The following SLC10A7 variants were observed in gnomAD, a reference collection of about 807,000 sequenced individuals.
The protein encoded by SLC10A7 is solute carrier family 10 member 7.
Under a neutral mutation model 43.2 loss-of-function variants are expected in SLC10A7, and 29 were observed. The ratio of observed to expected loss-of-function variants is 0.67; its 90% CI spans 0.50 to 0.92. The LOEUF is 0.92. SLC10A7 is among the 40% of genes least tolerant of loss of function. SLC10A7 has a pLI of 0.00. For synonymous variants in SLC10A7, 152 were observed against 144.8 expected (o/e 1.05, Z -0.35); for missense variants, 295 against 403.2 (o/e 0.73, Z 2.30).
chr4:146,321,825 A>T (rs1227787625), intron 6 of SLC10A7, among the ~76,000 whole-genome samples: 2 of 152,176 alleles, frequency 1.3e-5, no homozygotes, highest in East Asian at 3.9e-4. Flanking sequence ...TTATTTGCTC[A>T]GTAAATGAGG....
At chr4:146,375,031 C>A (rs996112363) in intron 5 of SLC10A7, among the ~76,000 whole-genome samples, 19 of 152,020 alleles carry the variant, frequency 1.2e-4, no homozygotes, top group Admixed American at 2.6e-4. Context: ...CATGGTGAAA[C>A]CCTGTCTCTA....
chr4:146,356,051 A>AATATATAT (rs763407986), intron 5 of SLC10A7, among the ~76,000 whole-genome samples: 1 of 140,134 alleles, frequency 7.1e-6, no homozygotes, highest in African/African-American at 2.6e-5. Context: ...AAAAAAAAAA[A>AATATATAT]ATATATATAT....
intron 6 of SLC10A7, among the ~76,000 whole-genome samples, chr4:146,313,581 A>G (rs1179875648): frequency 6.6e-6 from 1 of 152,136 alleles, no homozygotes. Context: ...ACGTGTGTCC[A>G]TTAATTATGC....
chr4:146,440,758 G>A (rs984496598), intron 5 of SLC10A7, among the ~76,000 whole-genome samples: 1 of 152,030 alleles, frequency 6.6e-6, no homozygotes, highest in Non-Finnish European at 1.5e-5. Context: ...ACTCTCTCTG[G>A]TAATTTTCAA....
rs371901679 is a variant in SLC10A7 at position 146,442,799 on chromosome 4, G to C, written c.419C>G (p.Ala140Gly). The C allele has an allele frequency of 1.6e-5, 26 of 1,598,128 alleles. No homozygotes were observed. In the African/African-American group the frequency reaches 2.2e-4, roughly 13 times the overall value. The change falls in exon 5 of 12, where the codon GCC becomes GGC. Residue 140 changes from alanine (A) to glycine (G), a missense_variant. Ala to Gly is a moderately conservative substitution (Grantham distance 60). This residue lies in a region of SLC10A7 where 242 missense variants were observed against 362.5 expected (regional missense o/e 0.67). Transcript: ENST00000335472. The stretch of plus-strand genomic sequence containing the variant: ...TTTACTTACCAAAAAACTTCCAAAG[G>C]CTGAATTAAATATTGCAGCTGCCTA... ...GNEAAAIFNS[A>G]FGSFLGIVIT...
intron 5 of SLC10A7, among the ~76,000 whole-genome samples, chr4:146,330,364 T>C (rs561629621): frequency 6.6e-6 from 1 of 152,282 alleles, no homozygotes; most frequent in East Asian, 1.9e-4. Flanking sequence ...CTGCAACAAC[T>C]ACAAAGATCA....
At chr4:146,310,460 T>C (rs1731892479) in intron 6 of SLC10A7, among the ~76,000 whole-genome samples, 1 of 152,166 alleles carries the variant, frequency 6.6e-6, no homozygotes, top group African/African-American at 2.4e-5. Context: ...AGTGTTCTCT[T>C]TTCTCTGTAG....
At chr4:146,342,143 A>G (rs954557103) in intron 5 of SLC10A7, among the ~76,000 whole-genome samples, 3 of 151,838 alleles carry the variant, frequency 2.0e-5, no homozygotes, top group African/African-American at 4.8e-5. Context: ...TATTCTGTAC[A>G]TAGCTTTATC....
chr4:146,367,303 T>G (rs1275611215), intron 5 of SLC10A7, among the ~76,000 whole-genome samples: 3 of 151,792 alleles, frequency 2.0e-5, no homozygotes, highest in Admixed American at 6.6e-5. Flanking sequence ...TGCTGTCCAA[T>G]AGAACTTTCT....
chr4:146,450,100 CAAA>C (rs1731453401), intron 4 of SLC10A7, among the ~76,000 whole-genome samples: 1 of 84,358 alleles, frequency 1.2e-5, no homozygotes, highest in African/African-American at 4.4e-5. Context: ...TGAGCTAAAA[CAAA>C]CAAACAAACA....
intron 5 of SLC10A7, among the ~76,000 whole-genome samples, chr4:146,368,974 C>T (rs1736582870): frequency 6.6e-6 from 1 of 152,158 alleles, no homozygotes; most frequent in Non-Finnish European, 1.5e-5. Context: ...GCTACCCAGC[C>T]TGTATTAATC....
intron 4 of SLC10A7, among the ~76,000 whole-genome samples, chr4:146,447,547 C>A (rs931922960): frequency 6.6e-6 from 1 of 152,068 alleles, no homozygotes; most frequent in Non-Finnish European, 1.5e-5. Flanking sequence ...TGAACAAATA[C>A]CTCTTGTGCT....
At chr4:146,505,079 G>GT (rs1277578416) in intron 3 of SLC10A7, among the ~76,000 whole-genome samples, 3 of 152,162 alleles carry the variant, frequency 2.0e-5, no homozygotes, top group Non-Finnish European at 2.9e-5. Flanking sequence ...ATGACACAGA[G>GT]TATCTGACTT....
At chr4:146,465,050 T>C (rs1732889052) in intron 4 of SLC10A7, among the ~76,000 whole-genome samples, 1 of 152,096 alleles carries the variant, frequency 6.6e-6, no homozygotes. Context: ...AGAGGAAATA[T>C]TTCCACTAAG....
intron 5 of SLC10A7, among the ~76,000 whole-genome samples, chr4:146,347,861 G>A (rs937320464): frequency 6.6e-6 from 1 of 151,952 alleles, no homozygotes; most frequent in Non-Finnish European, 1.5e-5. Flanking sequence ...AGAAAACACA[G>A]GATAGGTGAA....
At chr4:146,386,555 A>G (rs1035874307) in intron 5 of SLC10A7, among the ~76,000 whole-genome samples, 3 of 152,144 alleles carry the variant, frequency 2.0e-5, no homozygotes. Context: ...ATGTATTCAC[A>G]TATTCTCTGT....
At chr4:146,410,373 GC>G (rs1309186847) in intron 5 of SLC10A7, among the ~76,000 whole-genome samples, 3 of 152,116 alleles carry the variant, frequency 2.0e-5, no homozygotes, top group African/African-American at 7.2e-5. Context: ...CAGCTCTACA[GC>G]TTTTAAAATG....
At chr4:146,290,241 A>G (rs746030406) in intron 9 of SLC10A7, among the ~76,000 whole-genome samples, 19 of 149,028 alleles carry the variant, frequency 1.3e-4, no homozygotes, top group South Asian at 2.2e-4. Flanking sequence ...GGAGAATGGC[A>G]TGAACCCAGG....
intron 5 of SLC10A7, among the ~76,000 whole-genome samples, chr4:146,370,613 G>A (rs1736703505): frequency 6.6e-6 from 1 of 152,100 alleles, no homozygotes; most frequent in Non-Finnish European, 1.5e-5. Flanking sequence ...AGAATATAGA[G>A]TTCTCAAGCA....
Sources: gnomAD v4.1 joint callset for allele counts (sites outside exome capture counted in the v4.1 genomes callset) on GRCh38, gnomAD v4.1.1 for gene constraint, gnomAD v4.1.1 regional missense constraint, MANE v1.5 for transcripts, NCBI Gene and HGNC (gene_info 2026-07-23, HGNC 2026-07-21) for gene names.